Variants in PMS2 observed in about 807,000 individuals in gnomAD.
PMS2 encodes PMS1 homolog 2, mismatch repair system component, also known as mismatch repair endonuclease PMS2.
PMS2 carries 69 observed loss-of-function variants against 90.0 expected under a neutral mutation model. The observed-to-expected ratio is 0.77, with a 90% CI of 0.63 to 0.94. PMS2 has a LOEUF of 0.94. Among genes scored for constraint, PMS2 ranks in the 40% least tolerant of loss-of-function variants. PMS2 has a pLI of 0.00. For missense variants in PMS2, 966 were observed against 1,040.2 expected (o/e 0.93, Z 0.98); for synonymous variants, 332 against 375.1 (o/e 0.89, Z 1.33).
At chr7:5,981,103 T>G (rs1302611325) in intron 12 of PMS2, among the ~76,000 whole-genome samples, 1 of 151,906 alleles carries the variant, frequency 6.6e-6, no homozygotes, top group Non-Finnish European at 1.5e-5. Flanking sequence ...AGACAAGACT[T>G]TGGTTTTACA....
intron 11 of PMS2, among the ~76,000 whole-genome samples, chr7:5,983,652 T>C (rs1782549198): frequency 1.4e-5 from 2 of 146,812 alleles, no homozygotes; most frequent in South Asian, 2.2e-4. Flanking sequence ...TTATTTTTTC[T>C]TTTTTTTTTT....
intron 9 of PMS2, 141 bp downstream of exon 9, chr7:5,991,832 C>G (rs1412421879): frequency 4.8e-6 from 3 of 625,784 alleles, no homozygotes; most frequent in Non-Finnish European, 8.7e-6. Context: ...GAGCAAGACC[C>G]CGTCTCAAAA....
chr7:5,987,656 T>C (rs775894396), intron 10 of PMS2, 36 bp from the exon 11 acceptor site: 3 of 1,340,076 alleles, frequency 2.2e-6, no homozygotes, highest in Non-Finnish European at 3.2e-6. Flanking sequence ...GGTCAGGGAC[T>C]ATCCTGAAAT....
intron 2 of PMS2, among the ~76,000 whole-genome samples, chr7:6,005,025 G>A (rs906999003): frequency 7.3e-5 from 11 of 151,670 alleles, no homozygotes; most frequent in South Asian, 4.2e-4. Flanking sequence ...CTCCTTCAGC[G>A]TCCTGAGGAG....
At position 5,987,221 on chromosome 7, in the gene PMS2, C is replaced by T. The variant is rs2128728362; in HGVS notation, c.1544G>A (p.Cys515Tyr). Residue 515 changes from cysteine to tyrosine, a missense_variant, in exon 11 of 15, where the codon TGC (cysteine) becomes TAC (tyrosine). This residue lies in a region of PMS2 where 871 missense variants were observed against 802.4 expected (regional missense o/e 1.09). Coordinates refer to ENST00000265849, the MANE Select transcript of PMS2 (RefSeq NM_000535.7). ...GFSIPDTGSH[C>Y]SSEYAASSPG... ...GGAGCTGGCCGCATACTCGCTGCTG[C>T]AGTGACTGCCCGTGTCTGGGATGCT... 6.2e-7 allele frequency: 1 copy of T among 1,614,110 alleles called. No homozygotes were observed. The highest frequency in any genetic ancestry group is 8.5e-7 in the Non-Finnish European group (1 of 1,180,020).
chr7:5,985,377 A>G (rs1378809510), intron 11 of PMS2, among the ~76,000 whole-genome samples: 2 of 150,460 alleles, frequency 1.3e-5, no homozygotes, highest in Non-Finnish European at 3.0e-5. Flanking sequence ...AAGTGCTGGA[A>G]TTACAAGGTG....
At chr7:5,990,977 T>C (rs1029467426) in intron 9 of PMS2, among the ~76,000 whole-genome samples, 11 of 152,074 alleles carry the variant, frequency 7.2e-5, no homozygotes, top group Non-Finnish European at 1.0e-4. Context: ...ATTACACCAC[T>C]GCACTCCAGC....
intron 6 of PMS2, among the ~76,000 whole-genome samples, chr7:5,998,903 T>C (rs895176157): frequency 6.6e-6 from 1 of 151,042 alleles, no homozygotes. Context: ...GGCAGGAGAA[T>C]TGCTTGAATC....
intron 5 of PMS2, among the ~76,000 whole-genome samples, chr7:6,000,357 G>C (rs1263852702): frequency 1.3e-4 from 18 of 134,724 alleles, no homozygotes; most frequent in Non-Finnish European, 6.1e-5. Flanking sequence ...CTAGGTGAGA[G>C]AGCAAGACCC....
chr7:5,994,776 GA>G (rs920811078), intron 8 of PMS2, among the ~76,000 whole-genome samples: 39 of 139,760 alleles, frequency 2.8e-4, no homozygotes, highest in African/African-American at 3.1e-4. Context: ...CTCCGTCTCA[GA>G]AAAAAAAAAA....
chr7:6,007,892 C>A (rs1436039184), intron 1 of PMS2, among the ~76,000 whole-genome samples: 1 of 143,902 alleles, frequency 6.9e-6, no homozygotes, highest in Non-Finnish European at 1.5e-5. Context: ...CCGAGTCTTG[C>A]TGCGTTGCCC....
At chr7:5,987,760 A>G (rs868515580) in intron 10 of PMS2, 140 bp from the exon 11 acceptor site, 1 of 1,006,576 alleles carries the variant, frequency 9.9e-7, no homozygotes, top group South Asian at 1.3e-5. Flanking sequence ...GTTCAAAATA[A>G]AACTATAATA....
chr7:5,979,304 T>C (rs1216639900), intron 12 of PMS2, among the ~76,000 whole-genome samples: 1 of 145,726 alleles, frequency 6.9e-6, no homozygotes, highest in South Asian at 2.2e-4. Flanking sequence ...GGCACTAGAA[T>C]TGCTTGAACC....
At chr7:5,996,470 G>A (rs1784399253) in intron 7 of PMS2, among the ~76,000 whole-genome samples, 3 of 151,514 alleles carry the variant, frequency 2.0e-5, no homozygotes, top group South Asian at 2.1e-4. Flanking sequence ...CAGGAGTATC[G>A]CTTGAACCTG....
chr7:5,999,788 C>T (rs1412236261), intron 5 of PMS2, among the ~76,000 whole-genome samples: 2 of 151,910 alleles, frequency 1.3e-5, no homozygotes, highest in Admixed American at 1.3e-4. Flanking sequence ...AGAGTGAGGC[C>T]CTATCTCTAA....
In PMS2 at chr7:5,972,752, T is replaced by C; in HGVS notation, c.*647A>G. On this transcript the variant is annotated 3_prime_UTR_variant, in exon 15 of 15. Transcript: ENST00000265849. ...AAACAAAGATGAATTTAATTATCAT[T>C]AAGGGTTGAAAGTTATAGACTAAAC... is the stretch of plus-strand genomic sequence containing the variant. 1.0e-5 allele frequency among the ~76,000 whole-genome samples: 1 copy of C among 99,270 alleles called. No individual in the cohort carries two copies. The allele number at this position is 99,270 out of a possible 152,430, so 65.1% of individuals were successfully genotyped here.
chr7:5,979,075 A>G (rs1404741152), intron 12 of PMS2, among the ~76,000 whole-genome samples: 1 of 147,946 alleles, frequency 6.8e-6, no homozygotes, highest in Non-Finnish European at 1.5e-5. Flanking sequence ...GCACGCCTGT[A>G]GTCCCAGCTA....
chr7:6,002,054 G>T (rs1288282955), intron 5 of PMS2: 1 of 177,852 alleles, frequency 5.6e-6, no homozygotes, highest in Non-Finnish European at 1.2e-5. Context: ...TTTCCAGACA[G>T]GATCTTATTC....
At chr7:5,993,072 C>G (rs183460345) in intron 8 of PMS2, among the ~76,000 whole-genome samples, 34 of 152,036 alleles carry the variant, frequency 2.2e-4, no homozygotes, top group African/African-American at 8.2e-4. Context: ...AACTCTAAAG[C>G]ATCATTGAAA....
Sources: gnomAD v4.1 joint callset for allele counts (sites outside exome capture counted in the v4.1 genomes callset) on GRCh38, gnomAD v4.1.1 for gene constraint, gnomAD v4.1.1 regional missense constraint, MANE v1.5 for transcripts, NCBI Gene and HGNC (gene_info 2026-07-23, HGNC 2026-07-21) for gene names.